Variants in DGKD observed in about 807,000 individuals in gnomAD.
DGKD encodes the protein DAG kinase delta.
In DGKD, 68 loss-of-function variants were observed where a neutral mutation model predicts 154.4. The ratio of observed to expected loss-of-function variants is 0.44; its 90% CI spans 0.36 to 0.54. The LOEUF (loss-of-function observed/expected upper bound fraction) is 0.54. Among genes scored for constraint, DGKD ranks in the 20% least tolerant of loss-of-function variants. The probability of loss-of-function intolerance (pLI) is 0.00; values close to 1 mark genes in which losing one functional copy is unlikely to be tolerated. For missense variants in DGKD, 1,343 were observed against 1,593.6 expected (o/e 0.84, Z 2.68); for synonymous variants, 693 against 638.0 (o/e 1.09, Z -1.30).
At position 233,457,395 on chromosome 2, in the gene DGKD, T is replaced by C; in HGVS notation, c.2580+67T>C. 2 of 1,181,276 alleles carry C rather than the reference T, an allele frequency of 1.7e-6. No homozygotes were observed. Among genetic ancestry groups the C allele is most frequent in the Non-Finnish European group, 2.5e-6 (2 of 793,914 alleles). The allele number at this position is 1,181,276 out of a possible 1,614,324, so 73.2% of individuals were successfully genotyped here. On this transcript the variant is annotated intron_variant, in intron 21 of 29. Coordinates refer to ENST00000264057, the MANE Select transcript of DGKD (RefSeq NM_152879.3). The surrounding 1 kb of genome is among the most constrained non-coding windows in gnomAD (Gnocchi z 5.5). The stretch of plus-strand genomic sequence containing the variant: ...GAAGAGCTGTCTGAGAGCAGGGGGG[T>C]GTTCTGCTGTGGCTGGGGTGGATCC...
At chr2:233,382,601 C>T (rs1203880908) in intron 1 of DGKD, among the ~76,000 whole-genome samples, 2 of 152,270 alleles carry the variant, frequency 1.3e-5, no homozygotes, top group South Asian at 2.1e-4. Flanking sequence ...CCTCTGGACA[C>T]GACTCTTGGT....
intron 12 of DGKD, chr2:233,447,467 C>T (rs1315672661): frequency 2.6e-5 from 26 of 984,912 alleles, no homozygotes; most frequent in African/African-American, 5.2e-5. Flanking sequence ...CCTGGGCCCA[C>T]GGCCTTGCAA....
intron 1 of DGKD, among the ~76,000 whole-genome samples, chr2:233,364,357 G>A (rs993755965): frequency 6.6e-6 from 1 of 152,200 alleles, no homozygotes; most frequent in East Asian, 1.9e-4. Flanking sequence ...CTCAAGTTAA[G>A]CGTTAGAGTT....
At chr2:233,375,918 C>T (rs1223260378) in intron 1 of DGKD, among the ~76,000 whole-genome samples, 2 of 152,162 alleles carry the variant, frequency 1.3e-5, no homozygotes, top group African/African-American at 4.8e-5. Context: ...GAGCAGTTTC[C>T]TGAAAGGTCA....
rs1357396867 is a variant in DGKD, at chr2:233,464,106, C to T, written c.3187-58C>T. 8.1e-6 allele frequency: 13 copies of T among 1,608,738 alleles called. No individual in the cohort carries two copies. The East Asian group carries it at 2.2e-4, about 28-fold the overall frequency. Reference sequence around the variant, plus strand: ...GAGCGGACCTCACCCCCCTGGGCCTCGCGCTGATCAGCAGTGCACACTCTC... The same window carrying T: ...GAGCGGACCTCACCCCCCTGGGCCTTGCGCTGATCAGCAGTGCACACTCTC... On this transcript the variant is annotated intron_variant, in intron 26 of 29. Transcript: ENST00000264057.
In DGKD at chr2:233,459,825, G is replaced by A; in HGVS notation, c.2763G>A (p.Trp921Ter). Residue 921 changes from tryptophan (W) to a stop codon, truncating the protein, a stop_gained, in exon 23 of 30, where the codon TGG (tryptophan) becomes TGA (stop). Coordinates refer to ENST00000264057, the MANE Select transcript of DGKD (RefSeq NM_152879.3). LOFTEE classifies it high-confidence loss of function. The surrounding 1 kb of genome is among the most constrained non-coding windows in gnomAD (Gnocchi z 5.7). ...CTGTGCAGGTGGACGGAGAGGCCTG[G>A]GTCCAGCCGCCAGGGTACATTCGGA... ...GVPVQVDGEA[W>*]VQPPGYIRIV... 1 of 1,614,132 alleles carries A rather than the reference G, an allele frequency of 6.2e-7. No homozygotes were observed. Among genetic ancestry groups the A allele is most frequent in the Non-Finnish European group, 8.5e-7 (1 of 1,180,024 alleles).
In DGKD at chr2:233,445,687, C is replaced by T; in HGVS notation, c.1259C>T (p.Ser420Leu). ...TTGGCCCGAGTACTGGGCTGGGGCT[C>T]AGCCTGCGATGACGACACCCAGCTC... ...NDLARVLGWG[S>L]ACDDDTQLPQ... Residue 420 changes from serine (S) to leucine (L), a missense_variant, in exon 11 of 30, where the codon TCA (serine) becomes TTA (leucine). Ser to Leu is a moderately radical substitution (Grantham distance 145, BLOSUM62 -2). Around this residue, in one of 6 missense-constraint regions of DGKD, gnomAD observed 56 missense variants for 111.1 expected, o/e 0.50. Transcript: ENST00000264057. The surrounding 1 kb of genome is among the most constrained non-coding windows in gnomAD (Gnocchi z 5.5). 1 of 1,613,574 alleles carries T rather than the reference C, an allele frequency of 6.2e-7. No homozygotes were observed. Among genetic ancestry groups the T allele is most frequent in the East Asian group, 2.2e-5 (1 of 44,804 alleles).
chr2:233,426,736 C>G (rs1431066448), intron 3 of DGKD, among the ~76,000 whole-genome samples: 2 of 152,086 alleles, frequency 1.3e-5, no homozygotes, highest in African/African-American at 2.4e-5. Context: ...TATGCGTTTG[C>G]ATTTCTGTGG....
chr2:233,394,536 A>G (rs774601991), intron 3 of DGKD, among the ~76,000 whole-genome samples: 1 of 151,962 alleles, frequency 6.6e-6, no homozygotes, highest in Non-Finnish European at 1.5e-5. Context: ...TCTTTTTCGC[A>G]ATGAGTAGTT....
At chr2:233,442,048 A>AG (rs35316113) in intron 10 of DGKD, 53 bp downstream of exon 10, 1 of 1,473,854 alleles carries the variant, frequency 6.8e-7, no homozygotes, top group East Asian at 2.3e-5. Context: ...CGGAGGTTAG[A>AG]GGGAAATCAT....
intron 1 of DGKD, among the ~76,000 whole-genome samples, chr2:233,372,363 T>G (rs1702364551): frequency 6.6e-6 from 1 of 152,218 alleles, no homozygotes; most frequent in South Asian, 2.1e-4. Context: ...TTGATTCAGT[T>G]CTTTTTATAG....
intron 3 of DGKD, among the ~76,000 whole-genome samples, chr2:233,425,148 T>C (rs1308027601): frequency 6.6e-6 from 1 of 152,184 alleles, no homozygotes; most frequent in East Asian, 1.9e-4. Context: ...AAAGCTTTTT[T>C]TTTTAATCCT....
intron 3 of DGKD, among the ~76,000 whole-genome samples, chr2:233,404,550 T>C (rs1448617092): frequency 6.6e-6 from 1 of 152,224 alleles, no homozygotes; most frequent in East Asian, 1.9e-4. Flanking sequence ...AGTTTGGTTC[T>C]GGTTTACAGC....
At chr2:233,447,851 T>G in intron 12 of DGKD, 2 of 1,351,862 alleles carry the variant, frequency 1.5e-6, no homozygotes, top group Non-Finnish European at 1.9e-6. Flanking sequence ...AGGAGATTCA[T>G]TTGCAGTTTG....
At chr2:233,451,116 A>T (rs2063274269) in intron 17 of DGKD, 66 bp downstream of exon 17, 3 of 1,543,074 alleles carry the variant, frequency 1.9e-6, no homozygotes, top group Admixed American at 3.5e-5. Context: ...GTCAAACTGA[A>T]AGAGATGGGC....
rs1468500183 is a variant in DGKD at position 233,458,795 on chromosome 2, T to C, written c.2694+398T>C. Among the ~76,000 whole-genome samples, 1 of 152,044 alleles carries C rather than the reference T, an allele frequency of 6.6e-6. No homozygotes were observed. Among genetic ancestry groups the C allele is most frequent in the East Asian group, 1.9e-4 (1 of 5,172 alleles). Reference sequence around the variant, plus strand: ...CCCAGCTAATTTTTGTACTTCACCATGTTGGCCAGGCTGGTCTCGAACTCC... The same window carrying C: ...CCCAGCTAATTTTTGTACTTCACCACGTTGGCCAGGCTGGTCTCGAACTCC... On this transcript the variant is annotated intron_variant, in intron 22 of 29. Transcript: ENST00000264057. This position sits in a 1 kb window ranked among gnomAD's most constrained non-coding sequence, Gnocchi z 6.6.
At chr2:233,447,603 C>T (rs2063126373) in intron 12 of DGKD, 1 of 986,722 alleles carries the variant, frequency 1.0e-6, no homozygotes, top group Non-Finnish European at 1.2e-6. Flanking sequence ...GTTTGCGACC[C>T]TGGGGCTGGG....
intron 3 of DGKD, among the ~76,000 whole-genome samples, chr2:233,431,677 C>T (rs2062517188): frequency 6.6e-6 from 1 of 152,204 alleles, no homozygotes. Flanking sequence ...CATACATCCA[C>T]AGTGAACACA....
chr2:233,381,263 A>G (rs1217986163), intron 1 of DGKD, among the ~76,000 whole-genome samples: 1 of 152,192 alleles, frequency 6.6e-6, no homozygotes, highest in African/African-American at 2.4e-5. Flanking sequence ...ATGCGGTAAG[A>G]TCAGCTTATA....
Sources: allele counts gnomAD v4.1 joint callset (sites outside exome capture counted in the v4.1 genomes callset), GRCh38; gene constraint gnomAD v4.1.1; regional missense constraint gnomAD v4.1.1; non-coding constraint Gnocchi (gnomAD v3.1); transcripts MANE v1.5; gene names NCBI Gene and HGNC (gene_info 2026-07-23, HGNC 2026-07-21).